Variants in CNR2 observed in about 807,000 individuals in gnomAD.
CNR2 encodes cannabinoid receptor 2, also known as cannabinoid receptor 2 (macrophage).
For missense variants in CNR2, 379 were observed against 439.9 expected, an observed-to-expected ratio of 0.86 and a Z score of 1.24; for synonymous variants, 172 against 182.2, an observed-to-expected ratio of 0.94 and a Z score of 0.45.
At chr1:23,910,122 ATTT>A (rs34885370) in intron 1 of CNR2, among the ~76,000 whole-genome samples, 3 of 120,302 alleles carry the variant, frequency 2.5e-5, no homozygotes, top group African/African-American at 6.5e-5. Flanking sequence ...CTAATTTTTA[ATTT>A]TTTTTTTTTT....
chr1:23,906,542 C>CTTTTTTTTTTTTTTT (rs1454905989), intron 1 of CNR2, among the ~76,000 whole-genome samples: 1 of 47,616 alleles, frequency 2.1e-5, no homozygotes, highest in African/African-American at 4.9e-5. Context: ...TCTTTTTTTT[C>CTTTTTTTTTTTTTTT]TTTCTTTTTT....
chr1:23,886,135 G>A (rs1461634976), intron 1 of CNR2, among the ~76,000 whole-genome samples: 2 of 146,330 alleles, frequency 1.4e-5, no homozygotes, highest in African/African-American at 5.1e-5. Context: ...ATTTCAGTGA[G>A]CCAAGATTGC....
At chr1:23,890,605 C>T (rs1336373604) in intron 1 of CNR2, among the ~76,000 whole-genome samples, 3 of 151,756 alleles carry the variant, frequency 2.0e-5, no homozygotes, top group East Asian at 2.0e-4. Flanking sequence ...ATTAGCCGGG[C>T]GTGGTGGTGC....
chr1:23,887,248 A>C (rs1269782001), intron 1 of CNR2, among the ~76,000 whole-genome samples: 1 of 151,888 alleles, frequency 6.6e-6, no homozygotes, highest in Admixed American at 6.6e-5. Flanking sequence ...CCACATCCCC[A>C]CTTGGCTACT....
At position 23,874,995 on chromosome 1, in the gene CNR2, G is replaced by A. The variant is rs1169817581; in HGVS notation, c.623C>T (p.Thr208Ile). ...IAFLFSGIIY[T>I]YGHVLWKAHQ... ...GGCCTTCCAGAGAACATGCCCATAG[G>A]TGTAGATGATTCCGGAAAAGAGGAA... Residue 208 changes from threonine to isoleucine, a missense_variant, in exon 2 of 2, where the codon ACC becomes ATC. Thr to Ile is a moderately conservative substitution (Grantham distance 89). Coordinates refer to ENST00000374472, the MANE Select transcript of CNR2 (RefSeq NM_001841.3). 1.8e-5 allele frequency: 29 copies of A among 1,610,156 alleles called. No homozygotes were observed. In the East Asian group the frequency reaches 6.5e-4, roughly 36 times the overall value.
intron 1 of CNR2, among the ~76,000 whole-genome samples, chr1:23,880,442 G>A (rs190535495): frequency 1.3e-5 from 2 of 152,200 alleles, no homozygotes; most frequent in East Asian, 1.9e-4. Flanking sequence ...CCAAAGTGCT[G>A]GGATTACAGG....
intron 1 of CNR2, among the ~76,000 whole-genome samples, chr1:23,894,433 A>ACTTT (rs1640242288): frequency 1.3e-5 from 2 of 149,788 alleles, no homozygotes; most frequent in East Asian, 4.0e-4. Context: ...AAAAAAAAAA[A>ACTTT]TTTTTTTAAT....
intron 1 of CNR2, among the ~76,000 whole-genome samples, chr1:23,882,129 G>A (rs894896557): frequency 4.0e-5 from 6 of 151,856 alleles, no homozygotes; most frequent in African/African-American, 1.4e-4. Flanking sequence ...CACCATACTG[G>A]CCAGGCTGGT....
Position 23,871,131 on chromosome 1 carries a change from G to A in CNR2, c.*3404C>T, listed in dbSNP as rs559672807. 2.7e-5 allele frequency: 4 copies of A among 146,664 alleles called. No homozygotes were observed. Among genetic ancestry groups the A allele is most frequent in the Non-Finnish European group, 4.5e-5 (3 of 67,412 alleles). The allele number at this position is 146,664 out of a possible 1,614,324, so 9.1% of individuals were successfully genotyped here. On this transcript the variant is annotated 3_prime_UTR_variant, in exon 2 of 2. Transcript: ENST00000374472. ...TTGCATGCCACTGCACTCCAACCTG[G>A]GTGACAGAGTGAGATTCTATGTCAA...
Position 23,909,041 on chromosome 1 carries a change from C to T in CNR2, c.-46+4205G>A, listed in dbSNP as rs529422048. The stretch of plus-strand genomic sequence containing the variant: ...GCAGGTGGGGGAGGGGAGGAGAAGC[C>T]GTGAAGCTCACCGGACACCGAACCA... On this transcript the variant is annotated intron_variant, in intron 1 of 1. Transcript: ENST00000374472. Among the ~76,000 whole-genome samples, 10 of 152,064 alleles carry T rather than the reference C, an allele frequency of 6.6e-5. No homozygotes were observed. In the East Asian group the frequency reaches 1.4e-3, roughly 21 times the overall value.
chr1:23,889,424 G>A lies in CNR2; in HGVS notation c.-45-13762C>T, dbSNP rs528941205. Reference sequence around the variant, plus strand: ...TAGGGAAGCCTAGGTTCTAGTCCTTGTCCTGCTACTGAGTGACTTTAGGCA... The same window carrying A: ...TAGGGAAGCCTAGGTTCTAGTCCTTATCCTGCTACTGAGTGACTTTAGGCA... On this transcript the variant is annotated intron_variant, in intron 1 of 1. Transcript: ENST00000374472. 2.6e-5 allele frequency among the ~76,000 whole-genome samples: 4 copies of A among 152,240 alleles called. No individual in the cohort carries two copies. In the South Asian group the frequency reaches 8.3e-4, roughly 32 times the overall value.
chr1:23,906,249 G>C (rs1400624001), intron 1 of CNR2, among the ~76,000 whole-genome samples: 3 of 152,034 alleles, frequency 2.0e-5, no homozygotes, highest in Non-Finnish European at 4.4e-5. Context: ...TATTAAAGCT[G>C]TGTTCTCTCG....
rs147399563 is a variant in CNR2 at position 23,877,451 on chromosome 1, C to T, written c.-45-1789G>A. On this transcript the variant is annotated intron_variant, in intron 1 of 1. Coordinates refer to ENST00000374472, the MANE Select transcript of CNR2 (RefSeq NM_001841.3). The stretch of plus-strand genomic sequence containing the variant: ...GAGATTGAGACCATCCTGGCTAACA[C>T]GGTGAAACCTCGTCTCTACTAAAAA... Among the ~76,000 whole-genome samples the T allele has an allele frequency of 9.1e-3, 1,373 of 151,354 alleles. 21 individuals are homozygous for T. The highest frequency in any genetic ancestry group is 0.031 in the African/African-American group (1,270 of 41,264).
intron 1 of CNR2, among the ~76,000 whole-genome samples, chr1:23,892,123 G>A (rs949667243): frequency 6.6e-6 from 1 of 152,150 alleles, no homozygotes; most frequent in African/African-American, 2.4e-5. Context: ...CTTGCAGAAA[G>A]AGGTTGGAAC....
intron 1 of CNR2, among the ~76,000 whole-genome samples, chr1:23,880,231 G>A (rs1639956367): frequency 6.8e-6 from 1 of 147,090 alleles, no homozygotes; most frequent in Non-Finnish European, 1.5e-5. Flanking sequence ...AGGCTGGAGT[G>A]CAGTGGCACA....
chr1:23,894,550 C>A (rs959025630), intron 1 of CNR2, among the ~76,000 whole-genome samples: 14 of 150,794 alleles, frequency 9.3e-5, no homozygotes, highest in African/African-American at 3.2e-4. Context: ...CACCTGTAAT[C>A]CCAGCACTTT....
intron 1 of CNR2, among the ~76,000 whole-genome samples, chr1:23,893,347 G>A (rs1640221038): frequency 6.6e-6 from 1 of 152,214 alleles, no homozygotes; most frequent in Non-Finnish European, 1.5e-5. Context: ...CAAGGCTTTA[G>A]AAGGAAACAT....
intron 1 of CNR2, among the ~76,000 whole-genome samples, chr1:23,882,394 G>A (rs1460660032): frequency 1.3e-5 from 2 of 152,040 alleles, no homozygotes; most frequent in East Asian, 3.9e-4. Flanking sequence ...ACAATTCCTG[G>A]GTCAAAAATT....
chr1:23,901,926 G>A, intron 1 of CNR2: 1 of 1,603,566 alleles, frequency 6.2e-7, no homozygotes, highest in Non-Finnish European at 8.5e-7. Context: ...CACCTCTGCG[G>A]GGTGAGGCCC....
Sources: gnomAD v4.1 joint callset for allele counts (sites outside exome capture counted in the v4.1 genomes callset) on GRCh38, gnomAD v4.1.1 for gene constraint, MANE v1.5 for transcripts, NCBI Gene and HGNC (gene_info 2026-07-23, HGNC 2026-07-21) for gene names.